Variants in TEAD1 observed in about 807,000 individuals in gnomAD.
The protein encoded by TEAD1 is TEA domain transcription factor 1.
TEAD1 carries 9 observed loss-of-function variants against 54.9 expected under a neutral mutation model. That is an observed-to-expected ratio of 0.16 (90% CI 0.10 to 0.29). The LOEUF is 0.29. Ranked by LOEUF, TEAD1 falls within the 10% of genes least tolerant of loss-of-function variation. TEAD1 has a pLI of 1.00. For synonymous variants in TEAD1, 200 were observed against 187.8 expected, an observed-to-expected ratio of 1.07 and a Z score of -0.53; for missense variants, 387 against 535.9, an observed-to-expected ratio of 0.72 and a Z score of 2.74.
chr11:12,702,872 G>C (rs1943733438), intron 2 of TEAD1, among the ~76,000 whole-genome samples: 1 of 152,090 alleles, frequency 6.6e-6, no homozygotes, highest in Admixed American at 6.5e-5. Context: ...TTATTGCTTT[G>C]TGATTCATTT....
chr11:12,681,997 C>T (rs889645022), intron 2 of TEAD1, among the ~76,000 whole-genome samples: 2 of 152,226 alleles, frequency 1.3e-5, no homozygotes, highest in Non-Finnish European at 2.9e-5. Context: ...GCTTTTACAG[C>T]CTGGGCACCA....
chr11:12,680,463 T>C (rs937860110), intron 2 of TEAD1, among the ~76,000 whole-genome samples: 2 of 152,272 alleles, frequency 1.3e-5, no homozygotes, highest in East Asian at 3.9e-4. Flanking sequence ...GAGCCAAGTG[T>C]TTTAAATAGC....
chr11:12,869,867 C>G (rs1214936511), intron 5 of TEAD1, among the ~76,000 whole-genome samples: 1 of 146,220 alleles, frequency 6.8e-6, no homozygotes. Flanking sequence ...TAGATTTTTG[C>G]CCATTGTCTT....
At chr11:12,923,481 C>G (rs547773943) in intron 10 of TEAD1, among the ~76,000 whole-genome samples, 4 of 152,256 alleles carry the variant, frequency 2.6e-5, no homozygotes, top group Admixed American at 1.3e-4. Flanking sequence ...GTAAGCCTCA[C>G]GAGAGCAGGC....
chr11:12,901,695 G>A (rs768273042), intron 9 of TEAD1, among the ~76,000 whole-genome samples: 9 of 152,024 alleles, frequency 5.9e-5, no homozygotes, highest in East Asian at 1.9e-4. Context: ...TAATGTGTCC[G>A]CAAAAAAGCC....
At chr11:12,787,822 T>C (rs1225362699) in intron 3 of TEAD1, among the ~76,000 whole-genome samples, 1 of 152,238 alleles carries the variant, frequency 6.6e-6, no homozygotes, top group Non-Finnish European at 1.5e-5. Context: ...CTATAAAATC[T>C]TGGCTTGTAA....
At chr11:12,833,180 T>A (rs1378137060) in intron 3 of TEAD1, among the ~76,000 whole-genome samples, 2 of 152,224 alleles carry the variant, frequency 1.3e-5, no homozygotes. Context: ...GAAGGCAGCA[T>A]TTTCTTTCAC....
At chr11:12,746,346 T>C (rs1333331260) in intron 2 of TEAD1, among the ~76,000 whole-genome samples, 1 of 152,202 alleles carries the variant, frequency 6.6e-6, no homozygotes, top group Non-Finnish European at 1.5e-5. Flanking sequence ...AAATTAAAGC[T>C]GAGTAATATT....
At chr11:12,865,364 A>T (rs542404096) in intron 5 of TEAD1, 1 of 165,074 alleles carries the variant, frequency 6.1e-6, no homozygotes, top group Non-Finnish European at 1.3e-5. Context: ...AATTATTTTA[A>T]CTCATGCTTT....
At chr11:12,726,108 G>A (rs1259537134) in intron 2 of TEAD1, among the ~76,000 whole-genome samples, 1 of 152,162 alleles carries the variant, frequency 6.6e-6, no homozygotes, top group Non-Finnish European at 1.5e-5. Flanking sequence ...CAGATGACAC[G>A]GCTGAGCAGG....
intron 10 of TEAD1, among the ~76,000 whole-genome samples, chr11:12,916,834 A>AT (rs1948722162): frequency 6.6e-6 from 1 of 152,224 alleles, no homozygotes; most frequent in South Asian, 2.1e-4. Context: ...GGAAGCAAAC[A>AT]GAACCTGAAG....
intron 2 of TEAD1, among the ~76,000 whole-genome samples, chr11:12,742,961 G>A (rs1944675678): frequency 6.6e-6 from 1 of 152,218 alleles, no homozygotes; most frequent in African/African-American, 2.4e-5. Flanking sequence ...TTGTCTTTGA[G>A]CTGATTCCAG....
chr11:12,790,724 G>A (rs1056754159), intron 3 of TEAD1, among the ~76,000 whole-genome samples: 1 of 152,150 alleles, frequency 6.6e-6, no homozygotes, highest in Non-Finnish European at 1.5e-5. Context: ...AGCATCTTCT[G>A]TATAAAGAAG....
intron 2 of TEAD1, among the ~76,000 whole-genome samples, chr11:12,750,962 TG>T (rs1241914820): frequency 6.6e-6 from 1 of 152,212 alleles, no homozygotes; most frequent in African/African-American, 2.4e-5. Context: ...CATTCAGTCC[TG>T]TTTTTTGGGG....
At chr11:12,862,568 C>T (rs777857871) in intron 4 of TEAD1, among the ~76,000 whole-genome samples, 20 of 152,118 alleles carry the variant, frequency 1.3e-4, no homozygotes, top group African/African-American at 1.2e-4. Flanking sequence ...GTGTATGAAC[C>T]GCTCCTGTAC....
intron 2 of TEAD1, among the ~76,000 whole-genome samples, chr11:12,729,974 G>A (rs1944386672): frequency 6.6e-6 from 1 of 152,166 alleles, no homozygotes; most frequent in Non-Finnish European, 1.5e-5. Flanking sequence ...GCAATGCCTG[G>A]CACTAAGACA....
intron 2 of TEAD1, among the ~76,000 whole-genome samples, chr11:12,708,774 A>T (rs964284791): frequency 2.0e-5 from 3 of 152,234 alleles, no homozygotes; most frequent in African/African-American, 7.2e-5. Context: ...CTGCTGAAGA[A>T]GATGAAGTCA....
At chr11:12,867,105 A>G (rs1316114995) in intron 5 of TEAD1, among the ~76,000 whole-genome samples, 1 of 152,208 alleles carries the variant, frequency 6.6e-6, no homozygotes, top group African/African-American at 2.4e-5. Flanking sequence ...TGGGGCTGAG[A>G]GAGTATAATT....
intron 3 of TEAD1, among the ~76,000 whole-genome samples, chr11:12,837,840 T>G (rs1366233193): frequency 1.3e-5 from 2 of 151,208 alleles, no homozygotes; most frequent in African/African-American, 2.4e-5. Context: ...TTTGCCCTTG[T>G]TGCCCAGGCT....
Sources: gnomAD v4.1 joint callset for allele counts (sites outside exome capture counted in the v4.1 genomes callset) on GRCh38, gnomAD v4.1.1 for gene constraint, MANE v1.5 for transcripts, NCBI Gene and HGNC (gene_info 2026-07-23, HGNC 2026-07-21) for gene names.